FREM1: variants seen among roughly 807,000 people sequenced by gnomAD.
FREM1 encodes the protein FRAS1-related extracellular matrix protein 1.
FREM1 carries 220 observed loss-of-function variants against 210.1 expected under a neutral mutation model. That is an observed-to-expected ratio of 1.05 (90% CI 0.94 to 1.17). The LOEUF (loss-of-function observed/expected upper bound fraction) is 1.17. Among genes scored for constraint, FREM1 ranks in the 50% most tolerant of loss-of-function variants. The probability of loss-of-function intolerance (pLI) is 0.00; values close to 1 mark genes in which losing one functional copy is unlikely to be tolerated. For missense variants in FREM1, 3,454 were observed against 2,675.5 expected (o/e 1.29, Z -6.42); for synonymous variants, 1,189 against 980.2 (o/e 1.21, Z -3.98).
At chr9:14,792,966 T>G in intron 21 of FREM1, 82 bp from the exon 22 acceptor site, 1 of 807,126 alleles carries the variant, frequency 1.2e-6, no homozygotes, top group Non-Finnish European at 1.9e-6. Flanking sequence ...ACTATCACAG[T>G]TCCCAATCTT....
At chr9:14,877,513 C>T (rs998128046) in intron 1 of FREM1, among the ~76,000 whole-genome samples, 1 of 151,648 alleles carries the variant, frequency 6.6e-6, no homozygotes, top group African/African-American at 2.4e-5. Context: ...AAGTTCCTTC[C>T]CCTTGAGTGC....
intron 20 of FREM1, among the ~76,000 whole-genome samples, chr9:14,801,199 T>C (rs1817219678): frequency 6.6e-6 from 1 of 152,176 alleles, no homozygotes; most frequent in Admixed American, 6.5e-5. Context: ...GGTTTCACCA[T>C]GTTGGCCAGG....
rs2818940 is a variant in FREM1 at position 14,851,619 on chromosome 9, T to C, written c.829-12A>G. On this transcript the variant is annotated splice_polypyrimidine_tract_variant and intron_variant, in intron 5 of 36. Coordinates refer to ENST00000380880, the MANE Select transcript of FREM1 (RefSeq NM_001379081.2). Reference sequence around the variant, plus strand: ...CACGCACTCTCTGACTTTTGAAGGATAGAGAAAATATAAAGGAGGAAATAA... The same window carrying C: ...CACGCACTCTCTGACTTTTGAAGGACAGAGAAAATATAAAGGAGGAAATAA... The C allele has an allele frequency of 0.8, 1,266,336 of 1,590,922 alleles. 507,722 individuals carry two copies. The highest frequency in any genetic ancestry group is 0.96 in the East Asian group (43,138 of 44,752).
chr9:14,861,996 G>T (rs932078702), intron 3 of FREM1, among the ~76,000 whole-genome samples: 1 of 152,074 alleles, frequency 6.6e-6, no homozygotes, highest in Admixed American at 6.6e-5. Flanking sequence ...CTTCCCACCC[G>T]CTCCGCGCAA....
chr9:14,858,468 G>T (rs931027705), intron 4 of FREM1, among the ~76,000 whole-genome samples: 3 of 150,976 alleles, frequency 2.0e-5, no homozygotes, highest in African/African-American at 7.3e-5. Context: ...CCAAAGTGCT[G>T]GGATTATAGG....
chr9:14,749,626 C>T (rs375563912), intron 30 of FREM1, among the ~76,000 whole-genome samples: 1 of 152,164 alleles, frequency 6.6e-6, no homozygotes, highest in East Asian at 1.9e-4. Context: ...ACCTGTTTGG[C>T]GCTGCCATCC....
At chr9:14,821,111 G>T (rs1821218042) in intron 13 of FREM1, among the ~76,000 whole-genome samples, 1 of 152,106 alleles carries the variant, frequency 6.6e-6, no homozygotes. Flanking sequence ...TGGGACTCAG[G>T]TTAGCATGGT....
chr9:14,756,407 C>T lies in FREM1; in HGVS notation c.5374G>A (p.Val1792Met), dbSNP rs757950148. 22 of 1,601,888 alleles carry T rather than the reference C, an allele frequency of 1.4e-5. 1 individual carries two copies. In the Middle Eastern group the frequency reaches 5.0e-4, roughly 36 times the overall value. ...AACTGAATCAGTTTAGATGGAATCA[C>T]GGTGAAATCTTTTCCAACTGCAGCT... The part of the protein sequence containing the change: ...VSAAVGKDFT[V>M]IPSKLIQFDP... The change falls in exon 29 of 37, where the codon GTG becomes ATG. Residue 1792 changes from valine to methionine, a missense_variant. Transcript: ENST00000380880.
chr9:14,765,944 G>C (rs1226268705), intron 27 of FREM1, among the ~76,000 whole-genome samples: 1 of 152,192 alleles, frequency 6.6e-6, no homozygotes, highest in African/African-American at 2.4e-5. Context: ...GTCCACAAAA[G>C]TGCTTTTCAT....
chr9:14,860,826 C>CGTATATATACAT (rs368689841), intron 3 of FREM1, among the ~76,000 whole-genome samples: 1,087 of 82,946 alleles, frequency 0.013, 146 homozygotes, highest in East Asian at 0.12. Flanking sequence ...CACATATATA[C>CGTATATATACAT]ATATATACGT....
At chr9:14,866,031 A>T (rs1038690232) in intron 2 of FREM1, among the ~76,000 whole-genome samples, 1 of 152,226 alleles carries the variant, frequency 6.6e-6, no homozygotes, top group Admixed American at 6.5e-5. Flanking sequence ...AGAGGCTATA[A>T]ATCCATTTGA....
At chr9:14,759,110 C>T (rs892635215) in intron 28 of FREM1, among the ~76,000 whole-genome samples, 5 of 152,078 alleles carry the variant, frequency 3.3e-5, no homozygotes, top group South Asian at 2.1e-4. Flanking sequence ...CAGAGTTCAG[C>T]CCAAGTTCAC....
intron 10 of FREM1, among the ~76,000 whole-genome samples, chr9:14,830,311 G>A (rs1823307991): frequency 6.6e-6 from 1 of 152,124 alleles, no homozygotes; most frequent in Non-Finnish European, 1.5e-5. Flanking sequence ...TTCATATTCT[G>A]ATTCCTTATA....
intron 13 of FREM1, 62 bp downstream of exon 13, chr9:14,823,098 G>C: frequency 8.0e-7 from 1 of 1,244,952 alleles, no homozygotes. Flanking sequence ...ATTTCTAGTA[G>C]GTCTTCAAGT....
At chr9:14,856,887 C>T (rs113629051) in intron 5 of FREM1, among the ~76,000 whole-genome samples, 19 of 152,082 alleles carry the variant, frequency 1.2e-4, no homozygotes, top group African/African-American at 3.4e-4. Flanking sequence ...GCAGTTTCCC[C>T]GGTTTCCCCA....
At chr9:14,739,476 A>ATATATAATTCATATATATAT (rs1554633080) in intron 36 of FREM1, among the ~76,000 whole-genome samples, 35 of 100,086 alleles carry the variant, frequency 3.5e-4, no homozygotes, top group Admixed American at 1.5e-3. Flanking sequence ...ATATATATAT[A>ATATATAATTCATATATATAT]ATTCATATAT....
chr9:14,841,405 G>A lies in FREM1; in HGVS notation c.1881+42C>T, dbSNP rs185942181. On this transcript the variant is annotated intron_variant, in intron 10 of 36. Transcript: ENST00000380880. ...ACCACATCTCCTAGAATTGACACCTGTGCACAAGACTTTGGGAAAGTGTTC... is the reference window on the plus strand; with the variant it reads ...ACCACATCTCCTAGAATTGACACCTATGCACAAGACTTTGGGAAAGTGTTC... 3.2e-3 allele frequency: 4,841 copies of A among 1,506,270 alleles called. 19 individuals are homozygous for A. Among genetic ancestry groups the A allele is most frequent in the Non-Finnish European group, 4.0e-3 (4,484 of 1,111,510 alleles). 93.3% of individuals were successfully genotyped at this position (1,506,270 alleles called of 1,614,324 possible).
At chr9:14,774,273 T>C (rs375528705) in intron 25 of FREM1, 13 of 437,068 alleles carry the variant, frequency 3.0e-5, no homozygotes, top group African/African-American at 2.4e-4. Flanking sequence ...TCAGTACATT[T>C]TGAGTAAAGA....
At chr9:14,770,955 G>A in intron 25 of FREM1, 149 bp from the exon 26 acceptor site, 1 of 616,306 alleles carries the variant, frequency 1.6e-6, no homozygotes, top group Non-Finnish European at 2.9e-6. Context: ...AGACAGTCCT[G>A]TTCACAACAG....
Sources: gnomAD v4.1 joint callset for allele counts (sites outside exome capture counted in the v4.1 genomes callset) on GRCh38, gnomAD v4.1.1 for gene constraint, MANE v1.5 for transcripts, NCBI Gene and HGNC (gene_info 2026-07-23, HGNC 2026-07-21) for gene names.